The following ARMC9 variants were observed in gnomAD, a reference collection of about 807,000 sequenced individuals.
The protein encoded by ARMC9 is lisH domain-containing protein ARMC9.
A neutral mutation model predicts 107.0 loss-of-function variants in ARMC9; 94 were observed. That is an observed-to-expected ratio of 0.88 (90% CI 0.74 to 1.04). The LOEUF (loss-of-function observed/expected upper bound fraction) is 1.04. Among genes scored for constraint, ARMC9 ranks in the 50% least tolerant of loss-of-function variants. The pLI is 0.00. For synonymous variants in ARMC9, 380 were observed against 396.9 expected, an observed-to-expected ratio of 0.96 and a Z score of 0.51; for missense variants, 942 against 1,030.1, an observed-to-expected ratio of 0.91 and a Z score of 1.17.
At chr2:231,356,217 G>A (rs541184850) in intron 22 of ARMC9, among the ~76,000 whole-genome samples, 41 of 152,268 alleles carry the variant, frequency 2.7e-4, no homozygotes, top group African/African-American at 7.9e-4. Context: ...GTGAAATTTC[G>A]GAGGAGGAAT....
chr2:231,211,057 A>C lies in ARMC9; in HGVS notation c.177+2805A>C, dbSNP rs145633241. On this transcript the variant is annotated intron_variant, in intron 3 of 24. Coordinates refer to ENST00000611582, the MANE Select transcript of ARMC9 (RefSeq NM_001352754.2). ...ACTCAGCATAATGTCGTCAAAGTTC[A>C]TTCATGTTGCAATGTATGACAAGAT... Among the ~76,000 whole-genome samples the C allele has an allele frequency of 2.3e-4, 35 of 152,292 alleles. No individual in the cohort carries two copies. In the East Asian group the frequency reaches 5.6e-3, roughly 24 times the overall value.
At chr2:231,199,468 G>A (rs28690417) in intron 1 of ARMC9, among the ~76,000 whole-genome samples, 27,109 of 152,138 alleles carry the variant, frequency 0.18, 2,818 homozygotes, top group Non-Finnish European at 0.21. Flanking sequence ...ACTGTGTAGT[G>A]GTTCTTTTCA....
chr2:231,281,960 C>A, intron 16 of ARMC9, 99 bp from the exon 17 acceptor site: 3 of 1,156,424 alleles, frequency 2.6e-6, no homozygotes, highest in South Asian at 2.5e-5. Flanking sequence ...AACACCCACT[C>A]TCCCCATTTG....
chr2:231,327,842 T>C lies in ARMC9; in HGVS notation c.1774-3951T>C, dbSNP rs535851510. ...CTCTGTCACCCAGGCTGGAGTGCGGTGGCATGATCTCGGCTCACTGCAACC... is the reference window on the plus strand; with the variant it reads ...CTCTGTCACCCAGGCTGGAGTGCGGCGGCATGATCTCGGCTCACTGCAACC... On this transcript the variant is annotated intron_variant, in intron 19 of 24. Transcript: ENST00000611582. Among the ~76,000 whole-genome samples, 5 of 152,266 alleles carry C rather than the reference T, an allele frequency of 3.3e-5. No homozygotes were observed. The East Asian group carries it at 7.7e-4, about 23-fold the overall frequency.
intron 4 of ARMC9, among the ~76,000 whole-genome samples, chr2:231,216,017 A>G (rs1327919453): frequency 6.6e-6 from 1 of 152,188 alleles, no homozygotes; most frequent in Non-Finnish European, 1.5e-5. Flanking sequence ...TGTGGGAGCA[A>G]AGCCCCACAT....
intron 17 of ARMC9, among the ~76,000 whole-genome samples, chr2:231,282,355 A>C (rs2040280903): frequency 6.6e-6 from 1 of 152,246 alleles, no homozygotes; most frequent in South Asian, 2.1e-4. Context: ...GTTAAAAATT[A>C]AAGTGTTAGA....
intron 17 of ARMC9, among the ~76,000 whole-genome samples, chr2:231,286,033 C>T (rs529740297): frequency 1.3e-5 from 2 of 152,312 alleles, no homozygotes; most frequent in South Asian, 4.1e-4. Flanking sequence ...TCCCACAATT[C>T]CTCCACCTTG....
rs1043990677 is a variant in ARMC9, at chr2:231,375,351, A to G, written c.*3816A>G. On this transcript the variant is annotated 3_prime_UTR_variant, in exon 25 of 25. Transcript: ENST00000611582. The surrounding 1 kb of genome is among the most constrained non-coding windows in gnomAD (Gnocchi z 4.3). ...CTCATATCACGTTCACTATTCTCCCATTGTCCAAAGCAGACCACATGGCCA... is the reference window on the plus strand; with the variant it reads ...CTCATATCACGTTCACTATTCTCCCGTTGTCCAAAGCAGACCACATGGCCA... 6.6e-6 allele frequency among the ~76,000 whole-genome samples: 1 copy of G among 152,148 alleles called. No homozygotes were observed. Among genetic ancestry groups the G allele is most frequent in the Non-Finnish European group, 1.5e-5 (1 of 68,034 alleles).
At chr2:231,240,793 T>C (rs1027447006) in intron 9 of ARMC9, among the ~76,000 whole-genome samples, 5 of 152,220 alleles carry the variant, frequency 3.3e-5, no homozygotes, top group Non-Finnish European at 7.3e-5. Context: ...AATTGTCACA[T>C]TGAGTTGGCA....
intron 21 of ARMC9, among the ~76,000 whole-genome samples, chr2:231,350,484 T>G (rs2045014004): frequency 6.6e-6 from 1 of 151,594 alleles, no homozygotes; most frequent in Non-Finnish European, 1.5e-5. Flanking sequence ...AGGCCAGGCA[T>G]GGTGGCTCAC....
At chr2:231,342,677 A>G (rs2044588467) in intron 20 of ARMC9, among the ~76,000 whole-genome samples, 1 of 152,158 alleles carries the variant, frequency 6.6e-6, no homozygotes. Flanking sequence ...GTGGGGTGGA[A>G]GGGAAGTTAC....
At chr2:231,355,772 C>T in intron 21 of ARMC9, 26 bp from the exon 22 acceptor site, 2 of 1,521,178 alleles carry the variant, frequency 1.3e-6, no homozygotes. Flanking sequence ...GCTGTACTCA[C>T]TGCCGTTTTT....
intron 1 of ARMC9, among the ~76,000 whole-genome samples, chr2:231,202,208 C>G (rs1457878875): frequency 2.0e-5 from 3 of 151,890 alleles, no homozygotes; most frequent in Non-Finnish European, 4.4e-5. Flanking sequence ...CCATGCTGGT[C>G]AGGCTGGTCT....
At chr2:231,316,190 G>GTGTA (rs2042668400) in intron 19 of ARMC9, among the ~76,000 whole-genome samples, 2 of 141,268 alleles carry the variant, frequency 1.4e-5, no homozygotes, top group Non-Finnish European at 3.1e-5. Context: ...GTGTGTGTGT[G>GTGTA]TGTATCTCCA....
intron 9 of ARMC9, among the ~76,000 whole-genome samples, chr2:231,248,280 G>C (rs138065794): frequency 3.3e-5 from 5 of 152,128 alleles, no homozygotes; most frequent in African/African-American, 1.2e-4. Context: ...TTCCCTCTTG[G>C]CTTAATGTCA....
chr2:231,283,903 T>G (rs2040400597), intron 17 of ARMC9, among the ~76,000 whole-genome samples: 1 of 152,138 alleles, frequency 6.6e-6, no homozygotes, highest in Admixed American at 6.5e-5. Flanking sequence ...TAGCTAATTT[T>G]TTTTAAGAGA....
rs536971447 is a variant in ARMC9 at position 231,200,171 on chromosome 2, C to T, written c.-42+1473C>T. Among the ~76,000 whole-genome samples, 28 of 152,196 alleles carry T rather than the reference C, an allele frequency of 1.8e-4. No individual in the cohort carries two copies. The South Asian group carries it at 2.5e-3, about 14-fold the overall frequency. Reference sequence around the variant, plus strand: ...TGAAGAGAGGGAAGAGTGTTCTAGGCGGAGAGAGTAATATGCGCAAAGGCC... The same window carrying T: ...TGAAGAGAGGGAAGAGTGTTCTAGGTGGAGAGAGTAATATGCGCAAAGGCC... On this transcript the variant is annotated intron_variant, in intron 1 of 24. Coordinates refer to ENST00000611582, the MANE Select transcript of ARMC9 (RefSeq NM_001352754.2).
chr2:231,335,489 C>T (rs1302704211), intron 20 of ARMC9, among the ~76,000 whole-genome samples: 1 of 152,210 alleles, frequency 6.6e-6, no homozygotes, highest in African/African-American at 2.4e-5. Flanking sequence ...TCCCCACCCT[C>T]AAAGTCTACC....
At chr2:231,214,317 G>A (rs2033245816) in intron 3 of ARMC9, among the ~76,000 whole-genome samples, 2 of 152,224 alleles carry the variant, frequency 1.3e-5, no homozygotes, top group Admixed American at 1.3e-4. Context: ...TTCTAGCAAT[G>A]GGGCAAGTGG....
Sources: allele counts gnomAD v4.1 joint callset (sites outside exome capture counted in the v4.1 genomes callset), GRCh38; gene constraint gnomAD v4.1.1; non-coding constraint Gnocchi (gnomAD v3.1); transcripts MANE v1.5; gene names NCBI Gene and HGNC (gene_info 2026-07-23, HGNC 2026-07-21).